The following PLA2G4E variants were observed in gnomAD, a reference collection of about 807,000 sequenced individuals.
The protein encoded by PLA2G4E is phospholipase A2 group IVE, also known as cytosolic phospholipase A2 epsilon.
Under a neutral mutation model 109.1 loss-of-function variants are expected in PLA2G4E, and 84 were observed. The ratio of observed to expected loss-of-function variants is 0.77; its 90% CI spans 0.65 to 0.92. The LOEUF (loss-of-function observed/expected upper bound fraction) is 0.92. Ranked by LOEUF, PLA2G4E falls within the 40% of genes least tolerant of loss-of-function variation. The pLI is 0.00. For missense variants in PLA2G4E, 1,057 were observed against 1,076.6 expected, an observed-to-expected ratio of 0.98 and a Z score of 0.25; for synonymous variants, 469 against 436.1, an observed-to-expected ratio of 1.08 and a Z score of -0.94.
chr15:42,024,871 T>C (rs902936413), intron 1 of PLA2G4E, among the ~76,000 whole-genome samples: 18 of 151,912 alleles, frequency 1.2e-4, no homozygotes, highest in African/African-American at 4.1e-4. Flanking sequence ...TAGCATACAA[T>C]AAAGGAAGTA....
intron 7 of PLA2G4E, 130 bp downstream of exon 7, chr15:42,001,027 G>A: frequency 3.4e-6 from 3 of 884,018 alleles, no homozygotes; most frequent in Non-Finnish European, 5.3e-6. Flanking sequence ...ATGATTCTGA[G>A]GGGTTTCAGC....
chr15:42,030,145 A>T (rs1595575625), intron 1 of PLA2G4E, among the ~76,000 whole-genome samples: 1 of 152,314 alleles, frequency 6.6e-6, no homozygotes, highest in East Asian at 1.9e-4. Flanking sequence ...TGAAGGTTGG[A>T]GAAGGGAATT....
chr15:41,996,161 A>T (rs1476262608), intron 11 of PLA2G4E, among the ~76,000 whole-genome samples: 1 of 152,076 alleles, frequency 6.6e-6, no homozygotes, highest in African/African-American at 2.4e-5. Flanking sequence ...AGCCTGGGCA[A>T]CATGTAGAAA....
At chr15:42,032,769 A>G (rs1285924203) in intron 1 of PLA2G4E, among the ~76,000 whole-genome samples, 1 of 152,208 alleles carries the variant, frequency 6.6e-6, no homozygotes, top group Admixed American at 6.5e-5. Flanking sequence ...TTTGTGGGGT[A>G]AGACACAGAC....
chr15:42,046,488 T>C (rs1303028529), intron 1 of PLA2G4E, among the ~76,000 whole-genome samples: 2 of 152,242 alleles, frequency 1.3e-5, no homozygotes, highest in Non-Finnish European at 2.9e-5. Context: ...TCTGGAATAC[T>C]TGCCATCAAT....
At chr15:41,988,024 A>G (rs376324343) in intron 16 of PLA2G4E, 25 bp downstream of exon 16, 75 of 1,541,704 alleles carry the variant, frequency 4.9e-5, no homozygotes, top group Non-Finnish European at 6.3e-5. Context: ...TCACCCAGCC[A>G]TGAGGGAAAG....
intron 2 of PLA2G4E, among the ~76,000 whole-genome samples, chr15:42,011,827 T>A (rs939785242): frequency 2.0e-5 from 3 of 152,168 alleles, no homozygotes; most frequent in African/African-American, 7.2e-5. Context: ...GTCCCAAGGA[T>A]GAGGGTGAAC....
intron 1 of PLA2G4E, among the ~76,000 whole-genome samples, chr15:42,035,032 T>C (rs892655005): frequency 6.6e-6 from 1 of 152,228 alleles, no homozygotes; most frequent in African/African-American, 2.4e-5. Flanking sequence ...ACAGGGGTGA[T>C]GCCTTTCACT....
rs2068174975 is a variant in PLA2G4E at position 41,988,040 on chromosome 15, G to A, written c.1831+9C>T. ...CACCCAGCCATGAGGGAAAGCCGGG[G>A]TCACCCACCGATGTCCTGCACTTTC... On this transcript the variant is annotated intron_variant, in intron 16 of 19. Coordinates refer to ENST00000399518, the Ensembl canonical transcript of PLA2G4E. 7.6e-6 allele frequency: 12 copies of A among 1,583,928 alleles called. No individual in the cohort carries two copies. Among genetic ancestry groups the A allele is most frequent in the Non-Finnish European group, 9.5e-6 (11 of 1,161,620 alleles).
chr15:42,019,729 C>T (rs1213135826), intron 1 of PLA2G4E, among the ~76,000 whole-genome samples: 4 of 152,184 alleles, frequency 2.6e-5, no homozygotes, highest in African/African-American at 7.2e-5. Context: ...GAGCAACATC[C>T]CAGACTAAGA....
Position 41,987,172 on chromosome 15 carries a change from C to A in PLA2G4E, c.2035G>T (p.Asp679Tyr), listed in dbSNP as rs763699482. 3 of 1,612,788 alleles carry A rather than the reference C, an allele frequency of 1.9e-6. No individual in the cohort carries two copies. In the African/African-American group the frequency reaches 4.0e-5, roughly 22 times the overall value. ...TCAAGGAGTAGCCAGGTAGGGTTAC[C>A]TTTCCACCTAGAGAACTGGCCATTC... Residue 679 changes from aspartate (D) to tyrosine (Y), a missense_variant and splice_region_variant, in exon 17 of 20, where the codon GAC becomes TAC. Coordinates refer to ENST00000399518, the Ensembl canonical transcript of PLA2G4E.
rs756019851 is a variant in PLA2G4E at position 42,000,100 on chromosome 15, G to A, written c.852+4C>T. 3 of 1,582,504 alleles carry A rather than the reference G, an allele frequency of 1.9e-6. No individual in the cohort carries two copies. In the South Asian group the frequency reaches 3.5e-5, roughly 18 times the overall value. On this transcript the variant is annotated splice_donor_region_variant and intron_variant, in intron 8 of 19. Coordinates refer to ENST00000399518, the Ensembl canonical transcript of PLA2G4E. ...CACCTCCCCCAGTGTCAGCCGCCTT[G>A]TACCCCACAGCTCCAGTGACTCTTG...
intron 10 of PLA2G4E, chr15:41,998,592 G>A (rs1449343511): frequency 2.6e-5 from 4 of 152,166 alleles, no homozygotes; most frequent in South Asian, 2.1e-4. Context: ...TTCTGAAAAC[G>A]ATGTTGTTTT....
At chr15:42,007,631 A>G in intron 3 of PLA2G4E, 98 bp downstream of exon 3, 2 of 1,411,490 alleles carry the variant, frequency 1.4e-6, no homozygotes, top group Non-Finnish European at 1.9e-6. Context: ...AAAGGAAAAC[A>G]AAGAGGCATA....
chr15:41,994,839 T>C (rs1290747284), intron 12 of PLA2G4E, among the ~76,000 whole-genome samples: 1 of 152,258 alleles, frequency 6.6e-6, no homozygotes, highest in Admixed American at 6.5e-5. Context: ...TAACCTATTT[T>C]TGTGGGCCCC....
intron 1 of PLA2G4E, among the ~76,000 whole-genome samples, chr15:42,040,205 C>CACACACACACACCT (rs1363268246): frequency 6.6e-6 from 1 of 150,812 alleles, no homozygotes; most frequent in Non-Finnish European, 1.5e-5. Context: ...CACACACACG[C>CACACACACACACCT]ACACACACAC....
intron 12 of PLA2G4E, among the ~76,000 whole-genome samples, chr15:41,995,134 C>T (rs1294937099): frequency 6.6e-6 from 1 of 152,230 alleles, no homozygotes; most frequent in Non-Finnish European, 1.5e-5. Context: ...TTACACCCAC[C>T]GCATGAGGTC....
chr15:42,004,958 C>T, exon 5 of PLA2G4E: 1 of 1,613,256 alleles, frequency 6.2e-7, no homozygotes, highest in South Asian at 1.1e-5. Context: ...GCAGGAACTC[C>T]ACCTCCAGCT....
chr15:42,030,906 A>G (rs1478232810), intron 1 of PLA2G4E, among the ~76,000 whole-genome samples: 1 of 152,220 alleles, frequency 6.6e-6, no homozygotes, highest in Admixed American at 6.5e-5. Context: ...GCTGTGTAGC[A>G]TTCCATTGTA....
Sources: gnomAD v4.1 joint callset for allele counts (sites outside exome capture counted in the v4.1 genomes callset) on GRCh38, gnomAD v4.1.1 for gene constraint, MANE v1.5 for transcripts, NCBI Gene and HGNC (gene_info 2026-07-23, HGNC 2026-07-21) for gene names.